CUX1: variants seen among roughly 807,000 people sequenced by gnomAD.
The protein encoded by CUX1 is protein CASP.
Under a neutral mutation model 158.8 loss-of-function variants are expected in CUX1, and 31 were observed. That is an observed-to-expected ratio of 0.20 (90% CI 0.15 to 0.26). CUX1 has a LOEUF of 0.26. Among genes scored for constraint, CUX1 ranks in the 10% least tolerant of loss-of-function variants. CUX1 has a pLI of 1.00. For synonymous variants in CUX1, 879 were observed against 862.1 expected, an observed-to-expected ratio of 1.02 and a Z score of -0.34; for missense variants, 1,589 against 2,014.6, an observed-to-expected ratio of 0.79 and a Z score of 4.04.
intron 1 of CUX1, among the ~76,000 whole-genome samples, chr7:101,910,558 C>T (rs1281204610): frequency 1.3e-5 from 2 of 152,072 alleles, no homozygotes; most frequent in South Asian, 2.1e-4. Flanking sequence ...GAGTTCAAGA[C>T]TAGTCTGGCC....
In CUX1 at chr7:102,092,665, G is replaced by T. The variant is rs548331202; in HGVS notation, c.269-4699G>T. Among the ~76,000 whole-genome samples, 11 of 152,244 alleles carry T rather than the reference G, an allele frequency of 7.2e-5. No individual in the cohort carries two copies. In the South Asian group the frequency reaches 2.3e-3, roughly 32 times the overall value. On this transcript the variant is annotated intron_variant, in intron 4 of 23. Coordinates refer to ENST00000292535, the MANE Select transcript of CUX1 (RefSeq NM_181552.4). ...GGTGGCTCATGCCTGTAATCCCAGC[G>T]CTTGGGGAGGCCAAGGTGAGCAGAT... is the stretch of plus-strand genomic sequence containing the variant.
At chr7:102,063,798 A>C (rs2130441854) in intron 3 of CUX1, among the ~76,000 whole-genome samples, 1 of 152,342 alleles carries the variant, frequency 6.6e-6, no homozygotes, top group East Asian at 1.9e-4. Flanking sequence ...GGAAGATATT[A>C]AAAGCATATT....
At chr7:102,014,612 C>G (rs1461851552) in intron 2 of CUX1, among the ~76,000 whole-genome samples, 1 of 152,076 alleles carries the variant, frequency 6.6e-6, no homozygotes, top group African/African-American at 2.4e-5. Context: ...GGCCAGGAAG[C>G]CTTTCTTTGC....
Position 101,906,911 on chromosome 7 carries a change from C to T in CUX1, c.31-9204C>T, listed in dbSNP as rs1000588183. On this transcript the variant is annotated intron_variant, in intron 1 of 23. Transcript: ENST00000292535. ...CCACTCATCTGCTGCCCCCCACTCC[C>T]GGACCCCTTTTGGAGGTCAGTCTCA... is the stretch of plus-strand genomic sequence containing the variant. Among the ~76,000 whole-genome samples the T allele has an allele frequency of 6.6e-5, 10 of 152,082 alleles. No homozygotes were observed. The East Asian group carries it at 7.7e-4, about 12-fold the overall frequency.
At chr7:101,957,184 G>C (rs1809884535) in intron 2 of CUX1, among the ~76,000 whole-genome samples, 1 of 152,124 alleles carries the variant, frequency 6.6e-6, no homozygotes, top group Non-Finnish European at 1.5e-5. Context: ...TAAAGATGCT[G>C]TATCACCCTA....
rs1192507364 is a variant in CUX1, at chr7:101,817,713, A to C, written c.30+44A>C. The C allele has an allele frequency of 2.5e-5, 38 of 1,546,404 alleles. No individual in the cohort carries two copies. Among genetic ancestry groups the C allele is most frequent in the Non-Finnish European group, 2.9e-5 (33 of 1,145,410 alleles). ...AGAAGTCCCGAGGTTGCAGGCGCGG[A>C]GGGAACCGGGGATGTCGGGGGGTGC... On this transcript the variant is annotated intron_variant, in intron 1 of 23. Coordinates refer to ENST00000292535, the MANE Select transcript of CUX1 (RefSeq NM_181552.4). The surrounding 1 kb of genome is among the most constrained non-coding windows in gnomAD (Gnocchi z 4.1).
intron 8 of CUX1, among the ~76,000 whole-genome samples, chr7:102,146,227 T>G (rs577247419): frequency 2.0e-5 from 3 of 152,262 alleles, no homozygotes; most frequent in South Asian, 2.1e-4. Context: ...GAATGAATTA[T>G]GCAATATCAG....
chr7:102,158,716 T>C (rs1203651682), intron 9 of CUX1, 108 bp downstream of exon 9: 3 of 1,025,634 alleles, frequency 2.9e-6, no homozygotes, highest in Non-Finnish European at 3.0e-6. Flanking sequence ...CCTTCCATTT[T>C]TTACTGACAG....
intron 1 of CUX1, among the ~76,000 whole-genome samples, chr7:101,886,907 C>T (rs1800283298): frequency 6.6e-6 from 1 of 152,152 alleles, no homozygotes; most frequent in Admixed American, 6.5e-5. Flanking sequence ...AGGGTAGATG[C>T]TGCTTCACCA....
intron 14 of CUX1, among the ~76,000 whole-genome samples, chr7:102,265,924 G>T (rs192040154): frequency 1.3e-5 from 2 of 152,068 alleles, no homozygotes; most frequent in Non-Finnish European, 2.9e-5. Flanking sequence ...GAGACTTAAG[G>T]CAGGGGCAGT....
At chr7:102,269,819 GCC>G (rs3077415) in intron 14 of CUX1, among the ~76,000 whole-genome samples, 35,432 of 151,612 alleles carry the variant, frequency 0.23, 4,734 homozygotes, top group East Asian at 0.47. Flanking sequence ...CTTCTTCCAT[GCC>G]CCCCCCAAAC....
downstream of CUX1, chr7:102,258,243 GGTT>G (rs1790111069): frequency 1.0e-6 from 1 of 954,610 alleles, no homozygotes; most frequent in Non-Finnish European, 1.2e-6. Context: ...AGAATGTGTG[GGTT>G]GTTTTTATTT....
At chr7:102,077,528 TAAA>T (rs35999980) in intron 4 of CUX1, among the ~76,000 whole-genome samples, 1 of 113,958 alleles carries the variant, frequency 8.8e-6, no homozygotes, top group Non-Finnish European at 1.7e-5. Flanking sequence ...CCCATCTCTT[TAAA>T]AAAAAAAAAA....
intron 8 of CUX1, among the ~76,000 whole-genome samples, chr7:102,124,436 T>C (rs1832387708): frequency 6.6e-6 from 1 of 152,266 alleles, no homozygotes; most frequent in Non-Finnish European, 1.5e-5. Context: ...AAGTGACCTA[T>C]GTGCCCAGCT....
chr7:102,121,230 C>T (rs1028432776), intron 8 of CUX1, among the ~76,000 whole-genome samples: 1 of 152,010 alleles, frequency 6.6e-6, no homozygotes, highest in African/African-American at 2.4e-5. Flanking sequence ...TGCAGTGGTG[C>T]GATCATGGCT....
chr7:102,155,215 T>TAGGTA (rs1836137068), intron 8 of CUX1, among the ~76,000 whole-genome samples: 1 of 151,948 alleles, frequency 6.6e-6, no homozygotes. Context: ...AAATACACGA[T>TAGGTA]AGGTAACTAA....
intron 2 of CUX1, among the ~76,000 whole-genome samples, chr7:101,925,339 G>A (rs908012908): frequency 2.6e-5 from 4 of 152,134 alleles, no homozygotes; most frequent in Non-Finnish European, 5.9e-5. Flanking sequence ...TCAAACTCCT[G>A]GCCTCAAATG....
intron 11 of CUX1, among the ~76,000 whole-genome samples, chr7:102,183,337 T>A (rs1554514523): frequency 6.6e-6 from 1 of 151,848 alleles, no homozygotes; most frequent in Non-Finnish European, 1.5e-5. Context: ...TTTTTTTTTT[T>A]AATGAGCCAG....
chr7:102,021,199 A>G (rs1819295625), intron 2 of CUX1, among the ~76,000 whole-genome samples: 2 of 152,218 alleles, frequency 1.3e-5, no homozygotes, highest in Non-Finnish European at 1.5e-5. Context: ...AGGATGGGGT[A>G]CCACCAAGAG....
Sources: gnomAD v4.1 joint callset for allele counts (sites outside exome capture counted in the v4.1 genomes callset) on GRCh38, gnomAD v4.1.1 for gene constraint, Gnocchi (gnomAD v3.1) non-coding constraint, MANE v1.5 for transcripts, NCBI Gene and HGNC (gene_info 2026-07-23, HGNC 2026-07-21) for gene names.